Variants in RIMS2 observed in about 807,000 individuals in gnomAD.
RIMS2 encodes regulating synaptic membrane exocytosis protein 2.
Under a neutral mutation model 174.4 loss-of-function variants are expected in RIMS2, and 59 were observed. The observed-to-expected ratio is 0.34, with a 90% CI of 0.27 to 0.42. RIMS2 has a LOEUF of 0.42. Ranked by LOEUF, RIMS2 falls within the 10% of genes least tolerant of loss-of-function variation. The pLI is 1.00. For missense variants in RIMS2, 1,620 were observed against 1,666.3 expected (o/e 0.97, Z 0.48); for synonymous variants, 606 against 572.5 (o/e 1.06, Z -0.84).
Position 103,629,025 on chromosome 8 carries a change from C to T in RIMS2, c.177-68061C>T, listed in dbSNP as rs1019156244. Among the ~76,000 whole-genome samples the T allele has an allele frequency of 5.3e-5, 8 of 152,148 alleles. 1 individual carries two copies. Among genetic ancestry groups the T allele is most frequent in the Middle Eastern group, 3.2e-3 (1 of 316 alleles). ...TGTGGTAAGAGCCCTTTTATCCTTGCCCTGCAATAGTGAGAGAGGCCCCTG... is the reference window on the plus strand; with the variant it reads ...TGTGGTAAGAGCCCTTTTATCCTTGTCCTGCAATAGTGAGAGAGGCCCCTG... On this transcript the variant is annotated intron_variant, in intron 1 of 23. Coordinates refer to ENST00000504942, the Ensembl canonical transcript of RIMS2.
At chr8:104,234,447 A>G (rs76580374) in intron 19 of RIMS2, among the ~76,000 whole-genome samples, 1,772 of 151,886 alleles carry the variant, frequency 0.012, 35 homozygotes, top group African/African-American at 0.041. Context: ...GGAGTGAGGT[A>G]GTGGATATGC....
chr8:103,580,437 A>G (rs1351587300), intron 1 of RIMS2, among the ~76,000 whole-genome samples: 1 of 119,806 alleles, frequency 8.3e-6, no homozygotes, highest in African/African-American at 2.8e-5. Context: ...CAAAGACTAT[A>G]TGTGTGCATG....
At chr8:103,782,253 C>G (rs925164977) in intron 3 of RIMS2, among the ~76,000 whole-genome samples, 1 of 151,366 alleles carries the variant, frequency 6.6e-6, no homozygotes, top group African/African-American at 2.4e-5. Flanking sequence ...ATTGTATTTC[C>G]TTATCTTTCT....
intron 1 of RIMS2, among the ~76,000 whole-genome samples, chr8:103,617,004 C>A (rs1362316208): frequency 6.6e-6 from 1 of 152,084 alleles, no homozygotes; most frequent in Non-Finnish European, 1.5e-5. Flanking sequence ...ATATTCTTCA[C>A]AAACTAGAAA....
chr8:104,074,438 A>G (rs971563691), intron 19 of RIMS2, among the ~76,000 whole-genome samples: 3 of 152,240 alleles, frequency 2.0e-5, no homozygotes, highest in African/African-American at 7.2e-5. Flanking sequence ...TAATGCAGCT[A>G]ATATTAGTTA....
At chr8:103,887,489 C>A (rs568500568) in intron 4 of RIMS2, among the ~76,000 whole-genome samples, 1 of 151,464 alleles carries the variant, frequency 6.6e-6, no homozygotes, top group South Asian at 2.1e-4. Flanking sequence ...AAGTATTTAA[C>A]TGTATATTAT....
At chr8:103,652,907 G>T (rs1486506870) in intron 1 of RIMS2, among the ~76,000 whole-genome samples, 197 bp downstream of exon 3, 1 of 151,432 alleles carries the variant, frequency 6.6e-6, no homozygotes, top group Non-Finnish European at 1.5e-5. Context: ...AAAAGAAGAG[G>T]TAATTCCCCC....
chr8:103,545,098 C>T (rs1026017708), intron 1 of RIMS2, among the ~76,000 whole-genome samples: 1 of 152,094 alleles, frequency 6.6e-6, no homozygotes, highest in Non-Finnish European at 1.5e-5. Context: ...TGAAGATCAT[C>T]AACATTCAGG....
chr8:104,214,065 A>G (rs1364783361), intron 19 of RIMS2, among the ~76,000 whole-genome samples: 2 of 152,158 alleles, frequency 1.3e-5, no homozygotes, highest in East Asian at 1.9e-4. Context: ...GGGGTTTGAA[A>G]TGTTATTCCA....
At chr8:103,559,505 G>A (rs79477585) in intron 1 of RIMS2, 19,321 of 260,626 alleles carry the variant, frequency 0.074, 913 homozygotes, top group Non-Finnish European at 0.088. Context: ...TGTGAGAAGG[G>A]AGCAGGACTG....
chr8:104,241,028 T>C (rs2099289033), intron 19 of RIMS2, among the ~76,000 whole-genome samples: 1 of 152,098 alleles, frequency 6.6e-6, no homozygotes, highest in Admixed American at 6.5e-5. Flanking sequence ...ATCCACCTTG[T>C]AAATGGTAGA....
chr8:103,936,609 C>G (rs1201142377), exon 13 of RIMS2: 1 of 1,606,002 alleles, frequency 6.2e-7, no homozygotes, highest in Admixed American at 1.7e-5. Flanking sequence ...CAAATGGAAC[C>G]AAACATTCAT....
intron 2 of RIMS2, among the ~76,000 whole-genome samples, chr8:103,704,544 G>T (rs914364907): frequency 1.3e-5 from 2 of 152,018 alleles, no homozygotes; most frequent in African/African-American, 4.8e-5. Flanking sequence ...AGTAGGATTG[G>T]TATTAATTCT....
chr8:103,508,560 A>G lies in RIMS2; in HGVS notation c.176+7498A>G, dbSNP rs1824843096. Among the ~76,000 whole-genome samples, 3 of 152,040 alleles carry G rather than the reference A, an allele frequency of 2.0e-5. No individual in the cohort carries two copies. In the South Asian group the frequency reaches 6.2e-4, roughly 32 times the overall value. Reference sequence around the variant, plus strand: ...TTAAATGGTGATGCGTCAATAGAGGAGACTGGAGAGATGGCAAGGTTCAGA... The same window carrying G: ...TTAAATGGTGATGCGTCAATAGAGGGGACTGGAGAGATGGCAAGGTTCAGA... On this transcript the variant is annotated intron_variant, in intron 1 of 23. Transcript: ENST00000504942.
chr8:103,610,389 G>C (rs112433722), intron 1 of RIMS2, among the ~76,000 whole-genome samples: 136 of 152,252 alleles, frequency 8.9e-4, no homozygotes, highest in African/African-American at 3.1e-3. Context: ...TGGTGATAGA[G>C]GGCATCCCTG....
At chr8:104,162,610 G>A (rs887569749) in intron 19 of RIMS2, among the ~76,000 whole-genome samples, 3 of 151,324 alleles carry the variant, frequency 2.0e-5, no homozygotes, top group Admixed American at 6.6e-5. Context: ...CATATTATTA[G>A]GGGGGGAGAT....
At position 103,903,827 on chromosome 8, in the gene RIMS2, G is replaced by C. The variant is rs575183580; in HGVS notation, c.1625-6307G>C. ...TGGTGACAGTCTATGAAGGCAGCAA[G>C]ACATTTAGATTTTTACTTTGAAGTA... On this transcript the variant is annotated intron_variant, in intron 4 of 23. Coordinates refer to ENST00000504942, the Ensembl canonical transcript of RIMS2. 1.1e-4 allele frequency among the ~76,000 whole-genome samples: 16 copies of C among 152,182 alleles called. No individual in the cohort carries two copies. The South Asian group carries it at 3.3e-3, about 32-fold the overall frequency.
chr8:103,737,765 C>G (rs2097705759), intron 2 of RIMS2, among the ~76,000 whole-genome samples: 1 of 152,098 alleles, frequency 6.6e-6, no homozygotes, highest in African/African-American at 2.4e-5. Flanking sequence ...GTTTCTTATA[C>G]CTGGAATGCA....
At chr8:103,942,233 A>G (rs1016723143) in intron 13 of RIMS2, among the ~76,000 whole-genome samples, 5 of 152,148 alleles carry the variant, frequency 3.3e-5, no homozygotes, top group African/African-American at 1.2e-4. Context: ...CTTAAAAGTG[A>G]GAATGCGTGG....
Sources: allele counts gnomAD v4.1 joint callset (sites outside exome capture counted in the v4.1 genomes callset), GRCh38; gene constraint gnomAD v4.1.1; transcripts MANE v1.5; gene names NCBI Gene and HGNC (gene_info 2026-07-23, HGNC 2026-07-21).